Variants in LOXHD1 observed in about 807,000 individuals in gnomAD.
LOXHD1 encodes lipoxygenase homology PLAT domains 1.
Under a neutral mutation model 248.2 loss-of-function variants are expected in LOXHD1, and 205 were observed. The observed-to-expected ratio is 0.83, with a 90% CI of 0.74 to 0.93. The LOEUF (loss-of-function observed/expected upper bound fraction) is 0.93, where lower values mean the gene tolerates loss of function less well. LOXHD1 is among the 40% of genes least tolerant of loss of function. The pLI, the probability that LOXHD1 is intolerant of heterozygous loss-of-function variation, is 0.00. For missense variants in LOXHD1, 2,930 were observed against 2,971.6 expected, an observed-to-expected ratio of 0.99 and a Z score of 0.33; for synonymous variants, 1,113 against 1,162.8, an observed-to-expected ratio of 0.96 and a Z score of 0.87.
intron 1 of LOXHD1, among the ~76,000 whole-genome samples, chr18:46,653,207 ACTG>A (rs1400945116): frequency 6.6e-6 from 1 of 152,216 alleles, no homozygotes; most frequent in Middle Eastern, 3.2e-3. Context: ...AGATCACGCC[ACTG>A]CACTCCAGCC....
rs184173766 is a variant in LOXHD1, at chr18:46,591,947, C to A, written c.1640G>T (p.Arg547Leu). The change falls in exon 12 of 41, where the codon CGC (arginine) becomes CTC (leucine). Residue 547 changes from arginine (R) to leucine (L), a missense_variant. Transcript: ENST00000642948. The part of the protein sequence containing the change: ...REMTAEGPTV[R>L]RIMGMARYHV... Reference sequence around the variant, plus strand: ...TCAGTACTTACTGCCCATGATCCTGCGCACTGTTGGGCCTTCTGCAGTCAT... The same window carrying A: ...TCAGTACTTACTGCCCATGATCCTGAGCACTGTTGGGCCTTCTGCAGTCAT... 4 of 1,551,860 alleles carry A rather than the reference C, an allele frequency of 2.6e-6. No homozygotes were observed. The highest frequency in any genetic ancestry group is 1.7e-6 in the Non-Finnish European group (2 of 1,147,004).
intron 19 of LOXHD1, 35 bp downstream of exon 19, chr18:46,560,048 T>TCCCGACCCCC: frequency 2.4e-5 from 30 of 1,226,290 alleles, no homozygotes; most frequent in Non-Finnish European, 3.0e-5. Flanking sequence ...GTCTGGCCAC[T>TCCCGACCCCC]CCCTCCCCAC....
chr18:46,637,804 T>G (rs2038912043), intron 4 of LOXHD1, among the ~76,000 whole-genome samples: 1 of 152,176 alleles, frequency 6.6e-6, no homozygotes, highest in Non-Finnish European at 1.5e-5. Flanking sequence ...CAGCTGGTAA[T>G]ACTGTGCAAA....
intron 34 of LOXHD1, among the ~76,000 whole-genome samples, chr18:46,514,245 T>C (rs2035128279): frequency 6.6e-6 from 1 of 152,204 alleles, no homozygotes; most frequent in African/African-American, 2.4e-5. Context: ...GAGCTACAGA[T>C]GGTGCTTTGA....
At chr18:46,619,405 G>A (rs2038636966) in intron 4 of LOXHD1, among the ~76,000 whole-genome samples, 1 of 152,130 alleles carries the variant, frequency 6.6e-6, no homozygotes, top group Non-Finnish European at 1.5e-5. Flanking sequence ...CTGTGACAAT[G>A]ATTTTTGAGT....
At chr18:46,558,138 A>G (rs1001232552) in intron 20 of LOXHD1, 4 of 889,434 alleles carry the variant, frequency 4.5e-6, no homozygotes, top group Non-Finnish European at 5.4e-6. Context: ...GAAAACTTTC[A>G]GAAATAGTAT....
At position 46,604,202 on chromosome 18, in the gene LOXHD1, T is replaced by C; in HGVS notation, c.787A>G (p.Arg263Gly). The C allele has an allele frequency of 6.4e-7, 1 of 1,551,792 alleles. No homozygotes were observed. Among genetic ancestry groups the C allele is most frequent in the African/African-American group, 1.4e-5 (1 of 73,194 alleles). Residue 263 changes from arginine (R) to glycine (G), a missense_variant, in exon 7 of 41, where the codon AGA (arginine) becomes GGA (glycine). Coordinates refer to ENST00000642948, the MANE Select transcript of LOXHD1 (RefSeq NM_001384474.1). ...CGGTTAAGGGGGAAGTCATATTTTC[T>C]TTTGTTCCCAATATCTTCAATGACT... ...QIVIEDIGNK[R>G]KYDFPLNRWL...
Position 46,559,731 on chromosome 18 carries a change from G to A in LOXHD1, c.3062-129C>T, listed in dbSNP as rs751998759. On this transcript the variant is annotated intron_variant, in intron 19 of 40. Coordinates refer to ENST00000642948, the MANE Select transcript of LOXHD1 (RefSeq NM_001384474.1). The stretch of plus-strand genomic sequence containing the variant: ...CTTCAGATGCATCTACACTAACCTG[G>A]GACTGAAACTGCCCACACTCCCAAC... The A allele has an allele frequency of 4.6e-6, 5 of 1,079,506 alleles. No homozygotes were observed. In the African/African-American group the frequency reaches 6.4e-5, roughly 14 times the overall value. 66.9% of individuals were successfully genotyped at this position (1,079,506 alleles called of 1,614,324 possible). A position where few individuals can be genotyped will look rare whatever the true frequency, so the allele number is the denominator to read the frequency against.
chr18:46,533,798 C>G (rs567576117), intron 27 of LOXHD1: 224 of 246,920 alleles, frequency 9.1e-4, no homozygotes, highest in Non-Finnish European at 1.4e-3. Context: ...TGGTGGCGTG[C>G]GCCTGTAGTC....
intron 40 of LOXHD1, among the ~76,000 whole-genome samples, chr18:46,481,370 A>G (rs944364558): frequency 1.3e-4 from 19 of 151,998 alleles, no homozygotes; most frequent in Non-Finnish European, 1.9e-4. Context: ...AAGGCTTGAG[A>G]ATTGCAGGTG....
At chr18:46,636,541 T>A (rs147017676) in intron 4 of LOXHD1, among the ~76,000 whole-genome samples, 48 of 152,264 alleles carry the variant, frequency 3.2e-4, no homozygotes, top group South Asian at 1.2e-3. Flanking sequence ...AGAGCAGGAA[T>A]GAGAGAAGGT....
chr18:46,510,346 A>T (rs1400494253), intron 34 of LOXHD1, among the ~76,000 whole-genome samples: 1 of 152,234 alleles, frequency 6.6e-6, no homozygotes, highest in African/African-American at 2.4e-5. Flanking sequence ...GCAAAACTGA[A>T]CACAGTGCCC....
At chr18:46,568,032 T>C (rs889326377) in intron 16 of LOXHD1, among the ~76,000 whole-genome samples, 3 of 152,224 alleles carry the variant, frequency 2.0e-5, no homozygotes, top group Non-Finnish European at 4.4e-5. Flanking sequence ...CAGCTTAAAA[T>C]GTAAATACAT....
At chr18:46,509,846 G>A (rs192572261) in intron 34 of LOXHD1, 31 bp from the exon 35 acceptor site, 55 of 1,449,638 alleles carry the variant, frequency 3.8e-5, no homozygotes, top group Middle Eastern at 2.3e-4. Flanking sequence ...CATGAAGAAG[G>A]GAAGCTGGCC....
chr18:46,610,507 C>T (rs989763270), intron 6 of LOXHD1, among the ~76,000 whole-genome samples: 3 of 151,890 alleles, frequency 2.0e-5, no homozygotes, highest in Non-Finnish European at 4.4e-5. Context: ...TATGTAAAAA[C>T]ATGCACATTG....
At chr18:46,477,063 G>T (rs989561500), downstream of LOXHD1, 1 of 688,850 alleles carries the variant, frequency 1.5e-6, no homozygotes, top group Non-Finnish European at 2.7e-6. Context: ...GATATGGTTG[G>T]TAATAATTTA....
intron 4 of LOXHD1, among the ~76,000 whole-genome samples, chr18:46,619,167 C>T (rs1185518235): frequency 6.6e-6 from 1 of 152,166 alleles, no homozygotes; most frequent in Non-Finnish European, 1.5e-5. Flanking sequence ...AGACCACTCT[C>T]CCTCCCCTTT....
At chr18:46,492,838 CA>C (rs1420290063) in intron 37 of LOXHD1, among the ~76,000 whole-genome samples, 1 of 152,134 alleles carries the variant, frequency 6.6e-6, no homozygotes, top group Non-Finnish European at 1.5e-5. Context: ...CACGTATCAC[CA>C]AATTATTTAT....
At chr18:46,624,724 T>G (rs2038716381) in intron 4 of LOXHD1, among the ~76,000 whole-genome samples, 1 of 152,188 alleles carries the variant, frequency 6.6e-6, no homozygotes, top group Admixed American at 6.5e-5. Flanking sequence ...TCTCTGCTCC[T>G]GGGACCACAC....
Sources: gnomAD v4.1 joint callset for allele counts (sites outside exome capture counted in the v4.1 genomes callset) on GRCh38, gnomAD v4.1.1 for gene constraint, MANE v1.5 for transcripts, NCBI Gene and HGNC (gene_info 2026-07-23, HGNC 2026-07-21) for gene names.